CDC73: variants seen among roughly 807,000 people sequenced by gnomAD.
The protein encoded by CDC73 is cell division cycle 73.
Under a neutral mutation model 83.7 loss-of-function variants are expected in CDC73, and 21 were observed. The ratio of observed to expected loss-of-function variants is 0.25; its 90% CI spans 0.18 to 0.36. The LOEUF is 0.36. Ranked by LOEUF, CDC73 falls within the 10% of genes least tolerant of loss-of-function variation. The pLI is 1.00. For synonymous variants in CDC73, 224 were observed against 212.9 expected (o/e 1.05, Z -0.45); for missense variants, 342 against 653.3 (o/e 0.52, Z 5.19).
chr1:193,162,109 C>T (rs375532748), intron 10 of CDC73, among the ~76,000 whole-genome samples: 37 of 1,648 alleles, frequency 0.022, 14 homozygotes, highest in Non-Finnish European at 0.038. Context: ...TAATATATAT[C>T]ATATATTATC....
rs1386684001 is a variant in CDC73, at chr1:193,135,593, A to G, written c.423+4A>G. The G allele has an allele frequency of 6.2e-7, 1 of 1,600,726 alleles. No homozygotes were observed. Among genetic ancestry groups the G allele is most frequent in the East Asian group, 2.2e-5 (1 of 44,756 alleles). On this transcript the variant is annotated splice_donor_region_variant and intron_variant, in intron 5 of 16. Transcript: ENST00000367435. ...AGCAAAGAAACCACGAATTGAGGTA[A>G]AGAAACTGTATTTTAAACAATTTTA...
intron 10 of CDC73, among the ~76,000 whole-genome samples, chr1:193,194,829 C>A (rs936529038): frequency 1.3e-5 from 2 of 151,830 alleles, no homozygotes; most frequent in African/African-American, 4.8e-5. Context: ...CTTTTGATTC[C>A]AATTTGAATT....
chr1:193,135,578 C>A lies in CDC73; in HGVS notation c.412C>A (p.Pro138Thr), dbSNP rs369542555. The A allele has an allele frequency of 4.3e-6, 7 of 1,610,864 alleles. 1 individual carries two copies. The East Asian group carries it at 6.7e-5, about 15-fold the overall frequency. The change falls in exon 5 of 17, where the codon CCA becomes ACA. Residue 138 changes from proline (P) to threonine (T), a missense_variant. Pro to Thr is a conservative substitution (Grantham distance 38). Transcript: ENST00000367435. ...TGAAGTTTTAGCAGAAGCAAAGAAA[C>A]CACGAATTGAGGTAAAGAAACTGTA... ...ADEVLAEAKK[P>T]RIEDEECVRL...
chr1:193,156,227 T>C (rs1286424377), intron 10 of CDC73, among the ~76,000 whole-genome samples: 2 of 152,198 alleles, frequency 1.3e-5, no homozygotes, highest in South Asian at 4.1e-4. Context: ...GATTTGGTAG[T>C]TGCCTTGAGA....
intron 14 of CDC73, among the ~76,000 whole-genome samples, chr1:193,234,267 T>TATATATTATATATATAATATA (rs56984104): frequency 1.8e-5 from 2 of 108,894 alleles, no homozygotes; most frequent in African/African-American, 7.1e-5. Context: ...TATAATTTAA[T>TATATATTATATATATAATATA]TATAATATAT....
At chr1:193,168,768 A>G (rs1019806176) in intron 10 of CDC73, among the ~76,000 whole-genome samples, 1 of 151,404 alleles carries the variant, frequency 6.6e-6, no homozygotes, top group Non-Finnish European at 1.5e-5. Flanking sequence ...CAGGTGATCC[A>G]CCCGCCTCAG....
At chr1:193,198,045 T>C (rs1677031877) in intron 10 of CDC73, among the ~76,000 whole-genome samples, 1 of 152,160 alleles carries the variant, frequency 6.6e-6, no homozygotes, top group East Asian at 1.9e-4. Context: ...CAGTTTTTAC[T>C]CAATGTAATA....
intron 10 of CDC73, among the ~76,000 whole-genome samples, chr1:193,171,833 A>G (rs1395153629): frequency 6.6e-6 from 1 of 152,132 alleles, no homozygotes. Flanking sequence ...ACCACACTCA[A>G]TCAATATTTT....
chr1:193,189,115 G>A (rs982867459), intron 10 of CDC73, among the ~76,000 whole-genome samples: 11 of 151,966 alleles, frequency 7.2e-5, no homozygotes, highest in Non-Finnish European at 1.5e-4. Context: ...CACCACACCC[G>A]GCTAATTGTT....
At chr1:193,182,900 C>A (rs1450124519) in intron 10 of CDC73, among the ~76,000 whole-genome samples, 1 of 151,942 alleles carries the variant, frequency 6.6e-6, no homozygotes, top group Non-Finnish European at 1.5e-5. Context: ...ATTTTTCCAA[C>A]TTTTTATTAT....
Position 193,122,317 on chromosome 1 carries a change from C to G in CDC73, c.117C>G (p.Asn39Lys). The stretch of plus-strand genomic sequence containing the variant: ...CCTGGCCCAAGAATGTGAAGACCAA[C>G]TATGTTGTTTGGGGGTAAGTCCGGC... Reference protein sequence around the residue: ...EFSWPKNVKTNYVVWGTGKEG... With the variant: ...EFSWPKNVKTKYVVWGTGKEG... The change falls in exon 1 of 17, where the codon AAC (asparagine) becomes AAG (lysine). Residue 39 changes from asparagine to lysine, a missense_variant. Around this residue, in one of 3 missense-constraint regions of CDC73, gnomAD observed 99 missense variants for 174.5 expected, o/e 0.57. Transcript: ENST00000367435. The G allele has an allele frequency of 6.2e-7, 1 of 1,614,172 alleles. No individual in the cohort carries two copies. Among genetic ancestry groups the G allele is most frequent in the Non-Finnish European group, 8.5e-7 (1 of 1,180,000 alleles).
At chr1:193,152,468 T>G (rs1370973441) in intron 10 of CDC73, 24 bp downstream of exon 10, 7 of 1,505,208 alleles carry the variant, frequency 4.7e-6, no homozygotes, top group Non-Finnish European at 6.5e-6. Context: ...GCTGTAGATG[T>G]TCTTTTGTTC....
chr1:193,241,270 G>C (rs1188999146), intron 15 of CDC73, among the ~76,000 whole-genome samples: 1 of 152,164 alleles, frequency 6.6e-6, no homozygotes, highest in Admixed American at 6.5e-5. Context: ...CCTATAAACA[G>C]CGTCAGTGGT....
intron 10 of CDC73, among the ~76,000 whole-genome samples, chr1:193,170,633 T>C (rs1676503932): frequency 6.6e-6 from 1 of 152,184 alleles, no homozygotes; most frequent in Admixed American, 6.5e-5. Flanking sequence ...TTTGTTGTTG[T>C]TGTTGTTTAT....
In CDC73 at chr1:193,190,374, G is replaced by A. The variant is rs530666046; in HGVS notation, c.973-13421G>A. 5.3e-5 allele frequency among the ~76,000 whole-genome samples: 8 copies of A among 152,176 alleles called. No individual in the cohort carries two copies. In the South Asian group the frequency reaches 1.7e-3, roughly 32 times the overall value. On this transcript the variant is annotated intron_variant, in intron 10 of 16. Transcript: ENST00000367435. ...GATTTGGACAAATGGCTTGTTTTTG[G>A]TTATTTAATATTAGTATAGGTAGTT...
At chr1:193,189,167 C>G (rs1286012096) in intron 10 of CDC73, among the ~76,000 whole-genome samples, 2 of 152,058 alleles carry the variant, frequency 1.3e-5, no homozygotes, top group Non-Finnish European at 2.9e-5. Flanking sequence ...TTGCCCAGGC[C>G]AGTCTCAAAC....
chr1:193,235,846 T>A (rs1295009920), intron 14 of CDC73, among the ~76,000 whole-genome samples: 3 of 152,188 alleles, frequency 2.0e-5, no homozygotes, highest in Non-Finnish European at 4.4e-5. Flanking sequence ...AGTAAAATAT[T>A]TAAGATGTGT....
intron 15 of CDC73, among the ~76,000 whole-genome samples, chr1:193,248,433 A>T (rs908983723): frequency 6.6e-6 from 1 of 152,146 alleles, no homozygotes; most frequent in Non-Finnish European, 1.5e-5. Flanking sequence ...TTACTAACAC[A>T]TCTATTCCTC....
chr1:193,215,130 C>G (rs1677343061), intron 13 of CDC73, among the ~76,000 whole-genome samples: 1 of 152,190 alleles, frequency 6.6e-6, no homozygotes, highest in Non-Finnish European at 1.5e-5. Context: ...TCTCTGCAAA[C>G]TTGAATCACA....
Sources: allele counts gnomAD v4.1 joint callset (sites outside exome capture counted in the v4.1 genomes callset), GRCh38; gene constraint gnomAD v4.1.1; regional missense constraint gnomAD v4.1.1; transcripts MANE v1.5; gene names NCBI Gene and HGNC (gene_info 2026-07-23, HGNC 2026-07-21).